MAST1: variants seen among roughly 807,000 people sequenced by gnomAD.
MAST1 encodes the protein microtubule-associated serine/threonine-protein kinase 1.
MAST1 carries 40 observed loss-of-function variants against 124.6 expected under a neutral mutation model. The ratio of observed to expected loss-of-function variants is 0.32; its 90% CI spans 0.25 to 0.42. The LOEUF (loss-of-function observed/expected upper bound fraction) is 0.42. MAST1 is among the 10% of genes least tolerant of loss of function. The probability of loss-of-function intolerance (pLI) is 1.00; values close to 1 mark genes in which losing one functional copy is unlikely to be tolerated. For synonymous variants in MAST1, 938 were observed against 939.4 expected (o/e 1.00, Z 0.03); for missense variants, 1,558 against 2,181.9 (o/e 0.71, Z 5.70).
At chr19:12,869,812 G>T (rs1970208565) in intron 22 of MAST1, among the ~76,000 whole-genome samples, 3 of 151,900 alleles carry the variant, frequency 2.0e-5, no homozygotes, top group Non-Finnish European at 2.9e-5. Context: ...CAGCACTTTG[G>T]GAGGCTGAGG....
chr19:12,841,074 C>G lies in MAST1; in HGVS notation c.248+8C>G, dbSNP rs1184092631. 3.4e-6 allele frequency: 5 copies of G among 1,477,334 alleles called. No individual in the cohort carries two copies. The South Asian group carries it at 5.7e-5, about 17-fold the overall frequency. The allele number at this position is 1,477,334 out of a possible 1,614,324, so 91.5% of individuals were successfully genotyped here. ...GTTTGCCTCCTCCCGAAGGTGAGTC[C>G]CTCCCCTCCAGGGCCCCAGAACCCT... On this transcript the variant is annotated splice_region_variant and intron_variant, in intron 3 of 25. Coordinates refer to ENST00000251472, the MANE Select transcript of MAST1 (RefSeq NM_014975.3). This position sits in a 1 kb window ranked among gnomAD's most constrained non-coding sequence, Gnocchi z 4.3.
At position 12,852,239 on chromosome 19, in the gene MAST1, C is replaced by T. The variant is rs757336650; in HGVS notation, c.1001C>T (p.Pro334Leu). ...CGCCAGCTGGGCCTCACCCGTGACC[C>T]CTTTCCAGGTGCCGGCTGGTGGGCG... is the stretch of plus-strand genomic sequence containing the variant. ...IIRQLGLTRD[P>L]FPDVVHLEEQ... Residue 334 changes from proline (P) to leucine (L), a missense_variant, in exon 9 of 26, where the codon CCC becomes CTC. By Grantham distance (98) the Pro-to-Leu change is moderately conservative (BLOSUM62 -3). Transcript: ENST00000251472. 6.2e-7 allele frequency: 1 copy of T among 1,614,082 alleles called. No individual in the cohort carries two copies. The highest frequency in any genetic ancestry group is 2.2e-5 in the East Asian group (1 of 44,876).
At chr19:12,870,679 A>AAT in intron 22 of MAST1, 145 bp from the exon 23 acceptor site, 4 of 908,180 alleles carry the variant, frequency 4.4e-6, no homozygotes, top group Non-Finnish European at 6.2e-6. Context: ...AAAAAAAAAA[A>AAT]TGTGGGGGGA....
At chr19:12,846,112 A>G (rs1199680741) in intron 4 of MAST1, among the ~76,000 whole-genome samples, 1 of 152,172 alleles carries the variant, frequency 6.6e-6, no homozygotes, top group African/African-American at 2.4e-5. Context: ...AGAGGGGGGA[A>G]GATTACTTTA....
At position 12,844,722 on chromosome 19, in the gene MAST1, G is replaced by GAA. The variant is rs1300304506; in HGVS notation, c.327+1115_327+1116insAA. ...TGAAAAGTTGAAAGTAGCTTTGTGG[G>GAA]GCTGAAAATTTGGGATGCGGGGGAG... On this transcript the variant is annotated intron_variant, in intron 4 of 25. Transcript: ENST00000251472. 5.3e-5 allele frequency among the ~76,000 whole-genome samples: 8 copies of GAA among 152,100 alleles called. 1 individual carries two copies. Among genetic ancestry groups the GAA allele is most frequent in the African/African-American group, 1.9e-4 (8 of 41,392 alleles).
At position 12,839,086 on chromosome 19, in the gene MAST1, G is replaced by A. The variant is rs888247438; in HGVS notation, c.83+431G>A. On this transcript the variant is annotated intron_variant, in intron 1 of 25. Transcript: ENST00000251472. ...TGTGGGTGAGGGGACGGACGGAGGGGCTTGGGGCTCCCTCTTCGGGAGCTG... is the reference window on the plus strand; with the variant it reads ...TGTGGGTGAGGGGACGGACGGAGGGACTTGGGGCTCCCTCTTCGGGAGCTG... Among the ~76,000 whole-genome samples the A allele has an allele frequency of 3.3e-5, 5 of 152,112 alleles. No individual in the cohort carries two copies. In the South Asian group the frequency reaches 8.3e-4, roughly 25 times the overall value.
chr19:12,860,625 T>C (rs1236300941), intron 12 of MAST1, among the ~76,000 whole-genome samples: 1 of 151,392 alleles, frequency 6.6e-6, no homozygotes, highest in Non-Finnish European at 1.5e-5. Context: ...TTTGTATTTT[T>C]AGTAGAAATA....
intron 4 of MAST1, among the ~76,000 whole-genome samples, chr19:12,846,525 A>C (rs1400277473): frequency 6.6e-6 from 1 of 152,042 alleles, no homozygotes; most frequent in African/African-American, 2.4e-5. Flanking sequence ...AAGCAGAAAG[A>C]ATAGCTAATG....
At chr19:12,859,411 A>G (rs901609997) in intron 12 of MAST1, among the ~76,000 whole-genome samples, 3 of 152,016 alleles carry the variant, frequency 2.0e-5, no homozygotes, top group African/African-American at 4.8e-5. Context: ...TTTTGAGACA[A>G]GATCTCACTC....
At chr19:12,855,236 A>G (rs1238470581) in intron 10 of MAST1, among the ~76,000 whole-genome samples, 3 of 152,132 alleles carry the variant, frequency 2.0e-5, no homozygotes, top group Non-Finnish European at 4.4e-5. Context: ...TCCATCTTGA[A>G]AAAAATAAAA....
intron 12 of MAST1, 197 bp downstream of exon 12, chr19:12,858,936 T>C: frequency 1.6e-6 from 1 of 619,500 alleles, no homozygotes; most frequent in Non-Finnish European, 2.8e-6. Flanking sequence ...TTTATTTGTT[T>C]TTCATTTCAT....
chr19:12,844,425 G>A (rs754974882), intron 4 of MAST1, among the ~76,000 whole-genome samples: 2 of 152,220 alleles, frequency 1.3e-5, no homozygotes, highest in African/African-American at 2.4e-5. Flanking sequence ...AAATATTCAC[G>A]CAGCCCTCAT....
At position 12,858,391 on chromosome 19, in the gene MAST1, G is replaced by C; in HGVS notation, c.1107G>C (p.Pro369=). Residue 369 remains proline (P), a synonymous_variant, in exon 11 of 26, where the codon CCG becomes CCC. Transcript: ENST00000251472. ...EGRSSKAKKP[P]GENDFDTIKL... is the part of the protein sequence containing the mutation. The stretch of plus-strand genomic sequence containing the variant: ...GCAGCAGCAAGGCCAAGAAACCGCC[G>C]GGGGAGAATGACTTCGATACCATCA... 6.2e-7 allele frequency: 1 copy of C among 1,613,964 alleles called. No homozygotes were observed. Among genetic ancestry groups the C allele is most frequent in the Non-Finnish European group, 8.5e-7 (1 of 1,179,962 alleles).
rs746568246 is a variant in MAST1 at position 12,874,937 on chromosome 19, C to T, written c.*67C>T. 85 of 1,520,170 alleles carry T rather than the reference C, an allele frequency of 5.6e-5. No individual in the cohort carries two copies. Among genetic ancestry groups the T allele is most frequent in the Non-Finnish European group, 4.3e-5 (49 of 1,131,840 alleles). The allele number at this position is 1,520,170 out of a possible 1,614,324, so 94.2% of individuals were successfully genotyped here. On this transcript the variant is annotated 3_prime_UTR_variant, in exon 26 of 26. Transcript: ENST00000251472. This position sits in a 1 kb window ranked among gnomAD's most constrained non-coding sequence, Gnocchi z 6.6. Reference sequence around the variant, plus strand: ...CATATGTACACATATAAATAAAGTGCGTCCGTGCTGCGTGAGTTTTCTGGG... The same window carrying T: ...CATATGTACACATATAAATAAAGTGTGTCCGTGCTGCGTGAGTTTTCTGGG...
Position 12,843,692 on chromosome 19 carries a change from TC to T in MAST1, c.327+87del. The stretch of plus-strand genomic sequence containing the variant: ...TGAAGACCCACACCCAGGCCAGCAG[TC>T]CAGGCTGGGCTTGATGACAGTTTAG... On this transcript the variant is annotated intron_variant, in intron 4 of 25. Coordinates refer to ENST00000251472, the MANE Select transcript of MAST1 (RefSeq NM_014975.3). This position sits in a 1 kb window ranked among gnomAD's most constrained non-coding sequence, Gnocchi z 4.9. 1 of 1,231,168 alleles carries T rather than the reference TC, an allele frequency of 8.1e-7. No homozygotes were observed. Among genetic ancestry groups the T allele is most frequent in the Non-Finnish European group, 1.2e-6 (1 of 860,954 alleles). 76.3% of individuals were successfully genotyped at this position (1,231,168 alleles called of 1,614,324 possible).
rs778491124 is a variant in MAST1 at position 12,871,046 on chromosome 19, A to T, written c.3137A>T (p.Lys1046Met). 1.3e-5 allele frequency: 21 copies of T among 1,614,196 alleles called. No homozygotes were observed. The Admixed American group carries it at 3.5e-4, about 27-fold the overall frequency. ...GCATTCTTCCCCCAGAGTGGCAACA[A>T]GGTAGCAGTGACCACAACGCCCTTC... ...VVELILKSGN[K>M]VAVTTTPFEN... is the part of the protein sequence containing the mutation. Residue 1046 changes from lysine (K) to methionine (M), a missense_variant, in exon 24 of 26, where the codon AAG becomes ATG. Physicochemically the swap from Lys to Met is moderately conservative, Grantham distance 95. This residue lies in a region of MAST1 where 291 missense variants were observed against 475.8 expected (regional missense o/e 0.61). Transcript: ENST00000251472.
intron 10 of MAST1, among the ~76,000 whole-genome samples, chr19:12,854,816 A>G (rs1038227817): frequency 1.3e-5 from 2 of 152,194 alleles, no homozygotes; most frequent in Admixed American, 6.5e-5. Context: ...GCAGCTCAGC[A>G]TGGGGAAAAT....
At chr19:12,867,107 T>A (rs1970164597) in intron 18 of MAST1, among the ~76,000 whole-genome samples, 1 of 152,162 alleles carries the variant, frequency 6.6e-6, no homozygotes, top group South Asian at 2.1e-4. Flanking sequence ...TTATTTATTT[T>A]TATTTTTTCT....
In MAST1 at chr19:12,841,776, A is replaced by T. The variant is rs1481447959; in HGVS notation, c.248+710A>T. ...AGGGCAGGCAGGCCAGAGAATGGGG[A>T]TCAGTGCAAAGGCTGATGAAGGCTG... On this transcript the variant is annotated intron_variant, in intron 3 of 25. Coordinates refer to ENST00000251472, the MANE Select transcript of MAST1 (RefSeq NM_014975.3). This position sits in a 1 kb window ranked among gnomAD's most constrained non-coding sequence, Gnocchi z 4.3. Among the ~76,000 whole-genome samples, 1 of 152,130 alleles carries T rather than the reference A, an allele frequency of 6.6e-6. No individual in the cohort carries two copies. Among genetic ancestry groups the T allele is most frequent in the Non-Finnish European group, 1.5e-5 (1 of 68,026 alleles).
Sources: gnomAD v4.1 joint callset for allele counts (sites outside exome capture counted in the v4.1 genomes callset) on GRCh38, gnomAD v4.1.1 for gene constraint, gnomAD v4.1.1 regional missense constraint, Gnocchi (gnomAD v3.1) non-coding constraint, MANE v1.5 for transcripts, NCBI Gene and HGNC (gene_info 2026-07-23, HGNC 2026-07-21) for gene names.